MN1: variants seen among roughly 807,000 people sequenced by gnomAD.
MN1 encodes transcriptional activator MN1.
MN1 carries 19 observed loss-of-function variants against 86.9 expected under a neutral mutation model. The ratio of observed to expected loss-of-function variants is 0.22; its 90% CI spans 0.15 to 0.32. MN1 has a LOEUF of 0.32. MN1 is among the 10% of genes least tolerant of loss of function. The pLI, the probability that MN1 is intolerant of heterozygous loss-of-function variation, is 1.00. For synonymous variants in MN1, 928 were observed against 849.6 expected, an observed-to-expected ratio of 1.09 and a Z score of -1.60; for missense variants, 1,841 against 1,862.0, an observed-to-expected ratio of 0.99 and a Z score of 0.21.
chr22:27,757,401 T>C (rs1406236648), intron 1 of MN1, among the ~76,000 whole-genome samples: 1 of 152,234 alleles, frequency 6.6e-6, no homozygotes, highest in African/African-American at 2.4e-5. Flanking sequence ...CGTTGTGCCA[T>C]GGGGCAGTTT....
In MN1 at chr22:27,801,152, C is replaced by T. The variant is rs1933430532; in HGVS notation, c.-609G>A. The T allele has an allele frequency of 1.3e-5, 3 of 224,546 alleles. No homozygotes were observed. In the East Asian group the frequency reaches 1.9e-4, roughly 14 times the overall value. The allele number at this position is 224,546 out of a possible 1,614,324, so 13.9% of individuals were successfully genotyped here. Reference sequence around the variant, plus strand: ...GAGCACGATCCGCTCGCACAATCCCCGTAGGCTCCGGGCGAGCGGCTGCTG... The same window carrying T: ...GAGCACGATCCGCTCGCACAATCCCTGTAGGCTCCGGGCGAGCGGCTGCTG... On this transcript the variant is annotated 5_prime_UTR_variant, in exon 1 of 2. Coordinates refer to ENST00000302326, the MANE Select transcript of MN1 (RefSeq NM_002430.3).
intron 1 of MN1, among the ~76,000 whole-genome samples, chr22:27,793,751 T>C (rs1276574180): frequency 1.3e-5 from 2 of 152,146 alleles, no homozygotes; most frequent in African/African-American, 4.8e-5. Context: ...AAAGGACATC[T>C]CAAGCCCATA....
chr22:27,786,573 C>G (rs1933136395), intron 1 of MN1, among the ~76,000 whole-genome samples: 1 of 152,132 alleles, frequency 6.6e-6, no homozygotes, highest in Non-Finnish European at 1.5e-5. Context: ...CACGAGTGCT[C>G]AACTCCCAGT....
At chr22:27,782,269 C>A (rs1933064296) in intron 1 of MN1, among the ~76,000 whole-genome samples, 1 of 152,156 alleles carries the variant, frequency 6.6e-6, no homozygotes, top group South Asian at 2.1e-4. Flanking sequence ...GGCCCCACAC[C>A]GGCCCAATAG....
Position 27,801,297 on chromosome 22 carries a change from G to GGAAAGGCGCGGCTCCTCTGCTCGGC in MN1, c.-779_-755dup, listed in dbSNP as rs1214264543. 2 of 203,828 alleles carry GGAAAGGCGCGGCTCCTCTGCTCGGC rather than the reference G, an allele frequency of 9.8e-6. No individual in the cohort carries two copies. The highest frequency in any genetic ancestry group is 9.5e-6 in the Non-Finnish European group (1 of 105,574). 12.6% of individuals were successfully genotyped at this position (203,828 alleles called of 1,614,324 possible). ...GCCGGGGGCTGGAGCCGAGGGTCGG[G>GGAAAGGCGCGGCTCCTCTGCTCGGC]GAAAGGCGCGGCTCCTCTGCTCGGC... On this transcript the variant is annotated 5_prime_UTR_variant, in exon 1 of 2. Transcript: ENST00000302326.
chr22:27,797,256 C>G lies in MN1; in HGVS notation c.3288G>C (p.Pro1096=), dbSNP rs768610045. ...PRGVGAGEHG[P]KAPPPALGLG... is the part of the protein sequence containing the mutation. ...GGCCGAGGGCGGGCGGGGGCGCCTT[C>G]GGTCCGTGTTCCCCGGCGCCTACCC... Residue 1096 remains proline, a synonymous_variant, in exon 1 of 2, where the codon CCG becomes CCC. Coordinates refer to ENST00000302326, the MANE Select transcript of MN1 (RefSeq NM_002430.3). The G allele has an allele frequency of 1.3e-6, 2 of 1,581,372 alleles. No individual in the cohort carries two copies. The highest frequency in any genetic ancestry group is 1.3e-5 in the African/African-American group (1 of 74,718).
Position 27,750,608 on chromosome 22 carries a change from T to C in MN1, c.*307A>G, listed in dbSNP as rs539932327. 2 of 274,914 alleles carry C rather than the reference T, an allele frequency of 7.3e-6. No individual in the cohort carries two copies. The highest frequency in any genetic ancestry group is 1.7e-4 in the South Asian group (1 of 5,928). 17.0% of individuals were successfully genotyped at this position (274,914 alleles called of 1,614,324 possible). On this transcript the variant is annotated 3_prime_UTR_variant, in exon 2 of 2. Transcript: ENST00000302326. ...AATGTATGCCAAGATTACCGAAACA[T>C]GGGGAGTATCTAGAGGAAAAAGGCT...
intron 1 of MN1, among the ~76,000 whole-genome samples, chr22:27,786,712 C>G (rs1326356004): frequency 6.6e-6 from 1 of 152,162 alleles, no homozygotes; most frequent in Admixed American, 6.5e-5. Flanking sequence ...CTTTTTCTCC[C>G]TCCTCCTGGA....
Position 27,798,158 on chromosome 22 carries a change from G to A in MN1, c.2386C>T (p.Arg796Cys), listed in dbSNP as rs1340971543. ...GCGCCCAATTTACTGGCCGAGGTGC[G>A]CTGGCTGGGCTGGAAATCAGGCTGC... The part of the protein sequence containing the change: ...PPQPDFQPSQ[R>C]TSASKLGALS... The change falls in exon 1 of 2, where the codon CGC becomes TGC. Residue 796 changes from arginine (R) to cysteine (C), a missense_variant. Transcript: ENST00000302326. The A allele has an allele frequency of 6.3e-7, 1 of 1,583,708 alleles. No individual in the cohort carries two copies. Among genetic ancestry groups the A allele is most frequent in the Non-Finnish European group, 8.5e-7 (1 of 1,170,572 alleles).
Position 27,799,306 on chromosome 22 carries a change from C to T in MN1, c.1238G>A (p.Arg413Gln). 3 of 1,590,828 alleles carry T rather than the reference C, an allele frequency of 1.9e-6. No homozygotes were observed. The highest frequency in any genetic ancestry group is 1.7e-4 in the Middle Eastern group (1 of 5,992). Residue 413 changes from arginine (R) to glutamine (Q), a missense_variant, in exon 1 of 2, where the codon CGG becomes CAG. Physicochemically the swap from Arg to Gln is conservative, Grantham distance 43. Transcript: ENST00000302326. ...QHAQFEYPIH[R>Q]LENRSMHPYS... ...AGGGTGCATGCTCCGGTTCTCCAGC[C>T]GGTGGATGGGATACTCGAATTGCGC...
Position 27,750,938 on chromosome 22 carries a change from T to C in MN1, c.3940A>G (p.Thr1314Ala), listed in dbSNP as rs776427712. 5 of 1,606,588 alleles carry C rather than the reference T, an allele frequency of 3.1e-6. No individual in the cohort carries two copies. Among genetic ancestry groups the C allele is most frequent in the Non-Finnish European group, 3.4e-6 (4 of 1,176,056 alleles). The stretch of plus-strand genomic sequence containing the variant: ...ATTCAAGTTAGGGCAGCCACGAATG[T>C]CCCAAATCTGTTGGAGATGTCAGAA... Reference protein sequence around the residue: ...LHSDISNRFGTFVAALT With the variant: ...LHSDISNRFGAFVAALT The change falls in exon 2 of 2, where the codon ACA becomes GCA. Residue 1314 changes from threonine to alanine, a missense_variant. Coordinates refer to ENST00000302326, the MANE Select transcript of MN1 (RefSeq NM_002430.3).
At position 27,800,002 on chromosome 22, in the gene MN1, G is replaced by T; in HGVS notation, c.542C>A (p.Ala181Asp). The T allele has an allele frequency of 6.2e-7, 1 of 1,604,048 alleles. No individual in the cohort carries two copies. Among genetic ancestry groups the T allele is most frequent in the Non-Finnish European group, 8.5e-7 (1 of 1,178,158 alleles). ...GNLPDFHSSG[A>D]SSHAVPAPCL... is the part of the protein sequence containing the mutation. ...TGGGGCCGGCACGGCGTGGCTGGAG[G>T]CACCTGAACTGTGGAAGTCCGGGAG... The change falls in exon 1 of 2, where the codon GCC becomes GAC. Residue 181 changes from alanine to aspartate, a missense_variant. Physicochemically the swap from Ala to Asp is moderately radical, Grantham distance 126. Coordinates refer to ENST00000302326, the MANE Select transcript of MN1 (RefSeq NM_002430.3).
rs1439053841 is a variant in MN1, at chr22:27,800,449, G to A, written c.95C>T (p.Thr32Ile). ...NFNETGLSMN[T>I]HFKAPAFHTG... ...GTGGAAAGCCGGGGCCTTAAAGTGG[G>A]TGTTCATGCTCAGTCCGGTCTCGTT... The change falls in exon 1 of 2, where the codon ACC becomes ATC. Residue 32 changes from threonine (T) to isoleucine (I), a missense_variant. Coordinates refer to ENST00000302326, the MANE Select transcript of MN1 (RefSeq NM_002430.3). The A allele has an allele frequency of 1.2e-6, 2 of 1,614,118 alleles. No homozygotes were observed. The highest frequency in any genetic ancestry group is 2.7e-5 in the African/African-American group (2 of 74,960).
intron 1 of MN1, among the ~76,000 whole-genome samples, chr22:27,759,734 T>A (rs1932822492): frequency 6.6e-6 from 1 of 152,218 alleles, no homozygotes; most frequent in Non-Finnish European, 1.5e-5. Context: ...AGGCACCTGA[T>A]AAGTATTTGT....
Position 27,800,742 on chromosome 22 carries a change from C to T in MN1, c.-199G>A. The stretch of plus-strand genomic sequence containing the variant: ...TAGCTCCTCTCCTGAAGCTCCGATT[C>T]TGCCCGGGGAGGGCCTCTCACATCT... On this transcript the variant is annotated 5_prime_UTR_variant, in exon 1 of 2. Coordinates refer to ENST00000302326, the MANE Select transcript of MN1 (RefSeq NM_002430.3). 1 of 649,314 alleles carries T rather than the reference C, an allele frequency of 1.5e-6. No individual in the cohort carries two copies. Among genetic ancestry groups the T allele is most frequent in the Non-Finnish European group, 2.6e-6 (1 of 382,958 alleles). The allele number at this position is 649,314 out of a possible 1,614,324, so 40.2% of individuals were successfully genotyped here.
At chr22:27,776,865 A>ACGATT (rs1428952559) in intron 1 of MN1, among the ~76,000 whole-genome samples, 1 of 152,132 alleles carries the variant, frequency 6.6e-6, no homozygotes, top group Non-Finnish European at 1.5e-5. Context: ...ACTGGCCAGG[A>ACGATT]CGATTGTTCC....
rs538316474 is a variant in MN1, at chr22:27,796,727, A to T, written c.3781+36T>A. The T allele has an allele frequency of 2.8e-6, 4 of 1,437,484 alleles. No individual in the cohort carries two copies. In the East Asian group the frequency reaches 9.2e-5, roughly 33 times the overall value. The allele number at this position is 1,437,484 out of a possible 1,614,324, so 89.0% of individuals were successfully genotyped here. A position where few individuals can be genotyped will look rare whatever the true frequency, so the allele number is the denominator to read the frequency against. On this transcript the variant is annotated intron_variant, in intron 1 of 1. Transcript: ENST00000302326. ...TCCTGCCCTGGGGATGGGGCGGGTC[A>T]CCCGGGAAGTGAGAGGAAAACGAGT...
At chr22:27,783,427 C>T (rs1470854863) in intron 1 of MN1, among the ~76,000 whole-genome samples, 2 of 152,148 alleles carry the variant, frequency 1.3e-5, no homozygotes, top group Non-Finnish European at 1.5e-5. Context: ...ACACCGTGCC[C>T]GGCCCTGTCA....
At position 27,799,449 on chromosome 22, in the gene MN1, G is replaced by A. The variant is rs1238172775; in HGVS notation, c.1095C>T (p.Pro365=). 4 of 1,460,888 alleles carry A rather than the reference G, an allele frequency of 2.7e-6. No homozygotes were observed. The highest frequency in any genetic ancestry group is 1.4e-5 in the South Asian group (1 of 69,472). 90.5% of individuals were successfully genotyped at this position (1,460,888 alleles called of 1,614,324 possible). Residue 365 remains proline, a synonymous_variant, in exon 1 of 2, where the codon CCC becomes CCT. Coordinates refer to ENST00000302326, the MANE Select transcript of MN1 (RefSeq NM_002430.3). Reference sequence around the variant, plus strand: ...ACGAATTTTGTCGGACTAGAAGCCCGGGTGGCGGCGGCGGCTGCTGCTGTG... The same window carrying A: ...ACGAATTTTGTCGGACTAGAAGCCCAGGTGGCGGCGGCGGCTGCTGCTGTG... ...QPPQQQPPPP[P]GLLVRQNSCP...
Sources: allele counts gnomAD v4.1 joint callset (sites outside exome capture counted in the v4.1 genomes callset), GRCh38; gene constraint gnomAD v4.1.1; transcripts MANE v1.5; gene names NCBI Gene and HGNC (gene_info 2026-07-23, HGNC 2026-07-21).